The following GTF3C2 variants were observed in gnomAD, a reference collection of about 807,000 sequenced individuals.
GTF3C2 encodes general transcription factor IIIC subunit 2, also known as general transcription factor 3C polypeptide 2.
A neutral mutation model predicts 117.4 loss-of-function variants in GTF3C2; 17 were observed. That is an observed-to-expected ratio of 0.14 (90% CI 0.10 to 0.22). GTF3C2 has a LOEUF of 0.22. Among genes scored for constraint, GTF3C2 ranks in the 10% least tolerant of loss-of-function variants. The pLI, the probability that GTF3C2 is intolerant of heterozygous loss-of-function variation, is 1.00. For missense variants in GTF3C2, 888 were observed against 1,143.6 expected (o/e 0.78, Z 3.22); for synonymous variants, 437 against 427.0 (o/e 1.02, Z -0.29).
intron 17 of GTF3C2, among the ~76,000 whole-genome samples, 164 bp downstream of exon 17, chr2:27,327,873 G>A (rs965633653): frequency 2.6e-5 from 4 of 152,044 alleles, no homozygotes; most frequent in African/African-American, 7.2e-5. Flanking sequence ...TGATCTGCCC[G>A]CCTAATCCCC....
At chr2:27,354,072 A>AAAG in intron 1 of GTF3C2, among the ~76,000 whole-genome samples, 1 of 150,190 alleles carries the variant, frequency 6.7e-6, no homozygotes, top group South Asian at 2.1e-4. Flanking sequence ...AAAAAAAAAA[A>AAAG]GGGTGGGAGC....
Position 27,329,083 on chromosome 2 carries a change from G to T in GTF3C2, c.2039+38C>A. On this transcript the variant is annotated intron_variant, in intron 14 of 18. Transcript: ENST00000264720. The surrounding 1 kb of genome is among the most constrained non-coding windows in gnomAD (Gnocchi z 4.5). ...GCATGCTTTGCATTCCAACCCTTAG[G>T]GCCTGTCCCTAGAGGTCCTATCTCC... 1 of 1,608,168 alleles carries T rather than the reference G, an allele frequency of 6.2e-7. No individual in the cohort carries two copies. The highest frequency in any genetic ancestry group is 8.5e-7 in the Non-Finnish European group (1 of 1,175,050).
At chr2:27,351,022 G>A (rs1466054416) in intron 1 of GTF3C2, among the ~76,000 whole-genome samples, 1 of 151,940 alleles carries the variant, frequency 6.6e-6, no homozygotes, top group Admixed American at 6.6e-5. Context: ...AGACTGAGGT[G>A]GGAGGATCAC....
In GTF3C2 at chr2:27,329,276, G is replaced by A. The variant is rs749203416; in HGVS notation, c.1884C>T (p.Phe628=). The A allele has an allele frequency of 2.5e-6, 4 of 1,614,186 alleles. No individual in the cohort carries two copies. In the South Asian group the frequency reaches 4.4e-5, roughly 18 times the overall value. The change falls in exon 14 of 19, where the codon TTC becomes TTT. Residue 628 remains phenylalanine (F), a synonymous_variant. Coordinates refer to ENST00000264720, the Ensembl canonical transcript of GTF3C2. This position sits in a 1 kb window ranked among gnomAD's most constrained non-coding sequence, Gnocchi z 4.5. ...TCCGGTCACTCCCCGCAGAGACAAG[G>A]AAATGGCTGTAAAAAGACGGGAGAA...
chr2:27,326,923 A>C, intron 18 of GTF3C2, 30 bp from the exon 19 acceptor site: 3 of 1,429,576 alleles, frequency 2.1e-6, no homozygotes, highest in Non-Finnish European at 3.0e-6. Flanking sequence ...CAAGAGAGAG[A>C]TGCTCATGGG....
intron 5 of GTF3C2, 97 bp from the exon 6 acceptor site, chr2:27,337,655 T>C: frequency 1.1e-6 from 1 of 874,904 alleles, no homozygotes; most frequent in Non-Finnish European, 1.9e-6. Context: ...CCATTATCTG[T>C]GCTCCCCAAT....
At position 27,337,471 on chromosome 2, in the gene GTF3C2, T is replaced by G. The variant is rs1474712310; in HGVS notation, c.1028+10A>C. 1 of 1,596,630 alleles carries G rather than the reference T, an allele frequency of 6.3e-7. No individual in the cohort carries two copies. The highest frequency in any genetic ancestry group is 8.6e-7 in the Non-Finnish European group (1 of 1,164,040). On this transcript the variant is annotated intron_variant, in intron 6 of 18. Transcript: ENST00000264720. ...CCTTCCTAAGCTACAGAGATGTTGC[T>G]TCAACTTACAGCTCAGATAACAAGT...
chr2:27,349,178 T>C lies in GTF3C2; in HGVS notation c.-24-5600A>G, dbSNP rs1377178453. The stretch of plus-strand genomic sequence containing the variant: ...TTTTTTTTTTTTTGAGACAGAGTCT[T>C]GCTCTGTTGCCCAGGCTGCAGTGCA... On this transcript the variant is annotated intron_variant, in intron 1 of 18. Coordinates refer to ENST00000264720, the Ensembl canonical transcript of GTF3C2. Among the ~76,000 whole-genome samples, 3 of 131,586 alleles carry C rather than the reference T, an allele frequency of 2.3e-5. No individual in the cohort carries two copies. In the Admixed American group the frequency reaches 2.5e-4, roughly 11 times the overall value. The allele number at this position is 131,586 out of a possible 152,430, so 86.3% of individuals were successfully genotyped here.
At chr2:27,349,988 T>C (rs1336132463) in intron 1 of GTF3C2, among the ~76,000 whole-genome samples, 3 of 152,106 alleles carry the variant, frequency 2.0e-5, no homozygotes, top group Non-Finnish European at 2.9e-5. Context: ...ATATAAAAGA[T>C]ATAAATGTCA....
chr2:27,326,728 T>G, exon 19 of GTF3C2: 1 of 1,613,852 alleles, frequency 6.2e-7, no homozygotes, highest in South Asian at 1.1e-5. Flanking sequence ...GGCCGTCTAG[T>G]GGGGGAGGAT....
At chr2:27,338,599 T>G (rs1368775402) in intron 4 of GTF3C2, among the ~76,000 whole-genome samples, 1 of 152,142 alleles carries the variant, frequency 6.6e-6, no homozygotes, top group Non-Finnish European at 1.5e-5. Flanking sequence ...GGCGCAATCT[T>G]GGCTCACTGC....
Position 27,348,556 on chromosome 2 carries a change from T to C in GTF3C2, c.-24-4978A>G, listed in dbSNP as rs559459460. ...TACAGGCTCATGCCTGTATTCCCAG[T>C]ATGTTGGGAGGCCGAAGCAAGCAGA... On this transcript the variant is annotated intron_variant, in intron 1 of 18. Transcript: ENST00000264720. 1.2e-4 allele frequency among the ~76,000 whole-genome samples: 19 copies of C among 152,184 alleles called. No homozygotes were observed. The South Asian group carries it at 3.7e-3, about 30-fold the overall frequency.
rs191587079 is a variant in GTF3C2 at position 27,354,734 on chromosome 2, C to T, written c.-25+2005G>A. On this transcript the variant is annotated intron_variant, in intron 1 of 18. Transcript: ENST00000264720. Reference sequence around the variant, plus strand: ...CGATATCACGCCACTGCACTCCAGCCTGAGTGACAGAGGAAGATTCCGGTT... The same window carrying T: ...CGATATCACGCCACTGCACTCCAGCTTGAGTGACAGAGGAAGATTCCGGTT... 1.5e-4 allele frequency among the ~76,000 whole-genome samples: 23 copies of T among 152,312 alleles called. No individual in the cohort carries two copies. In the East Asian group the frequency reaches 4.1e-3, roughly 27 times the overall value.
At chr2:27,348,521 T>G (rs1461855801) in intron 1 of GTF3C2, among the ~76,000 whole-genome samples, 1 of 151,918 alleles carries the variant, frequency 6.6e-6, no homozygotes, top group Non-Finnish European at 1.5e-5. Flanking sequence ...AAAGAAAGAA[T>G]AGGACCAGGT....
At chr2:27,326,543 G>T in exon 19 of GTF3C2, 1 of 672,162 alleles carries the variant, frequency 1.5e-6, no homozygotes. Flanking sequence ...AAGGAGTCCT[G>T]GGGAGGCAGG....
At chr2:27,328,775 G>T in intron 15 of GTF3C2, 69 bp downstream of exon 15, 4 of 1,187,634 alleles carry the variant, frequency 3.4e-6, no homozygotes, top group South Asian at 2.5e-5. Flanking sequence ...TACTGCCTCT[G>T]ACTACTAATA....
chr2:27,326,319 C>A, exon 19 of GTF3C2: 1 of 453,784 alleles, frequency 2.2e-6, no homozygotes. Flanking sequence ...CACCCATTCA[C>A]AAGTGGTCAC....
chr2:27,336,698 TC>T lies in GTF3C2; in HGVS notation c.1128-274del, dbSNP rs1680493191. 7.8e-6 allele frequency: 3 copies of T among 383,320 alleles called. No individual in the cohort carries two copies. In the East Asian group the frequency reaches 1.6e-4, roughly 20 times the overall value. 23.7% of individuals were successfully genotyped at this position (383,320 alleles called of 1,614,324 possible). On this transcript the variant is annotated intron_variant, in intron 7 of 18. Coordinates refer to ENST00000264720, the Ensembl canonical transcript of GTF3C2. ...TCGACGGTTCACTGCAGCCGTGACC[TC>T]CCAGGCTCAAGTGGTTATCCCACCT...
chr2:27,327,481 C>T (rs1199347105), intron 17 of GTF3C2, among the ~76,000 whole-genome samples, 197 bp from the exon 18 acceptor site: 2 of 151,988 alleles, frequency 1.3e-5, no homozygotes, highest in Non-Finnish European at 2.9e-5. Flanking sequence ...CCCGCCGTCA[C>T]GCCCGGCAGA....
Sources: allele counts gnomAD v4.1 joint callset (sites outside exome capture counted in the v4.1 genomes callset), GRCh38; gene constraint gnomAD v4.1.1; non-coding constraint Gnocchi (gnomAD v3.1); transcripts MANE v1.5; gene names NCBI Gene and HGNC (gene_info 2026-07-23, HGNC 2026-07-21).